The following OSBPL9 variants were observed in gnomAD, a reference collection of about 807,000 sequenced individuals.
OSBPL9 encodes oxysterol-binding protein-related protein 9.
A neutral mutation model predicts 106.6 loss-of-function variants in OSBPL9; 40 were observed. The ratio of observed to expected loss-of-function variants is 0.38; its 90% CI spans 0.29 to 0.49. The LOEUF is 0.49. Ranked by LOEUF, OSBPL9 falls within the 20% of genes least tolerant of loss-of-function variation. The pLI is 0.97. For synonymous variants in OSBPL9, 269 were observed against 295.4 expected (o/e 0.91, Z 0.92); for missense variants, 609 against 887.2 (o/e 0.69, Z 3.98).
the OSBPL9 span, among the ~76,000 whole-genome samples, chr1:51,535,631 C>T: frequency 6.6e-6 from 1 of 151,970 alleles, no homozygotes. Context: ...GATGTTGGCT[C>T]ATTTCAGCCT....
intron 2 of OSBPL9, among the ~76,000 whole-genome samples, chr1:51,652,640 A>G (rs576335421): frequency 5.3e-5 from 8 of 152,346 alleles, no homozygotes; most frequent in Non-Finnish European, 1.0e-4. Context: ...TTTCCATACT[A>G]ACTATTCAAA....
At chr1:51,641,573 G>A (rs2148675550) in intron 1 of OSBPL9, among the ~76,000 whole-genome samples, 1 of 152,022 alleles carries the variant, frequency 6.6e-6, no homozygotes, top group Middle Eastern at 3.4e-3. Context: ...TCTTACCCTG[G>A]GAAAATAAAA....
chr1:51,683,753 C>A (rs1472064024), intron 3 of OSBPL9, among the ~76,000 whole-genome samples: 2 of 151,774 alleles, frequency 1.3e-5, no homozygotes, highest in Admixed American at 1.3e-4. Flanking sequence ...AGATCGCGCC[C>A]CTGCTCTCCA....
At chr1:51,552,967 A>T in the OSBPL9 span, among the ~76,000 whole-genome samples, 5 of 144,476 alleles carry the variant, frequency 3.5e-5, no homozygotes, top group South Asian at 2.2e-4. Context: ...AAAGTTCTTT[A>T]AAAAAAAAAA....
the OSBPL9 span, among the ~76,000 whole-genome samples, chr1:51,528,541 C>A: frequency 6.6e-6 from 1 of 151,162 alleles, no homozygotes; most frequent in Non-Finnish European, 1.5e-5. Context: ...GAGACTCTGT[C>A]TCGGGGAAAA....
chr1:51,519,246 G>A, the OSBPL9 span: 3 of 1,307,306 alleles, frequency 2.3e-6, no homozygotes, highest in Non-Finnish European at 2.0e-6. Context: ...TTTCCATCAT[G>A]CAAGGGAGGG....
chr1:51,553,299 C>T, the OSBPL9 span, among the ~76,000 whole-genome samples: 1 of 152,060 alleles, frequency 6.6e-6, no homozygotes. Flanking sequence ...TTGCTTGAAC[C>T]CAGGAGTTAC....
intron 3 of OSBPL9, among the ~76,000 whole-genome samples, chr1:51,691,009 T>C (rs1379566651): frequency 6.6e-6 from 1 of 152,192 alleles, no homozygotes; most frequent in Non-Finnish European, 1.5e-5. Context: ...TATCTGTGTA[T>C]TTAAACATAG....
intron 2 of OSBPL9, among the ~76,000 whole-genome samples, chr1:51,608,316 GGA>G (rs1195545305): frequency 1.3e-5 from 2 of 151,818 alleles, no homozygotes; most frequent in African/African-American, 4.8e-5. Flanking sequence ...TTTTTGAGAC[GGA>G]GTCTCACTCT....
the OSBPL9 span, among the ~76,000 whole-genome samples, chr1:51,559,649 C>A: frequency 6.6e-6 from 1 of 152,138 alleles, no homozygotes; most frequent in Non-Finnish European, 1.5e-5. Context: ...TAAGGTTTGC[C>A]TGCTTACAGA....
At position 51,715,340 on chromosome 1, in the gene OSBPL9, A is replaced by G. The variant is rs1276463755; in HGVS notation, c.318+1261A>G. On this transcript the variant is annotated intron_variant, in intron 4 of 23. Coordinates refer to ENST00000428468, the MANE Select transcript of OSBPL9 (RefSeq NM_024586.6). ...TAAAAGCAATTTGTAATTCCTGTAG[A>G]TTTCTTTTAAATTTAGGCAGTTTCA... is the stretch of plus-strand genomic sequence containing the variant. Among the ~76,000 whole-genome samples, 8 of 152,178 alleles carry G rather than the reference A, an allele frequency of 5.3e-5. No homozygotes were observed. In the East Asian group the frequency reaches 1.5e-3, roughly 29 times the overall value.
intron 14 of OSBPL9, 47 bp downstream of exon 14, chr1:51,772,770 C>T: frequency 1.6e-6 from 2 of 1,282,184 alleles, no homozygotes; most frequent in East Asian, 2.3e-5. Context: ...TATGGATTCT[C>T]AGTGATTGCG....
At chr1:51,698,274 C>T (rs1656491535) in intron 3 of OSBPL9, among the ~76,000 whole-genome samples, 1 of 152,048 alleles carries the variant, frequency 6.6e-6, no homozygotes, top group African/African-American at 2.4e-5. Context: ...CTTTGTGGGA[C>T]ATTGGGGTGG....
chr1:51,750,577 T>C lies in OSBPL9; in HGVS notation c.543+382T>C, dbSNP rs1485292777. On this transcript the variant is annotated intron_variant, in intron 8 of 23. Coordinates refer to ENST00000428468, the MANE Select transcript of OSBPL9 (RefSeq NM_024586.6). ...GAAGAATATAATAGAGATATATTTT[T>C]TAAATTTTTACGGATTTTTTTCTGG... Among the ~76,000 whole-genome samples the C allele has an allele frequency of 1.7e-4, 26 of 152,224 alleles. 1 individual carries two copies. The highest frequency in any genetic ancestry group is 3.2e-3 in the Middle Eastern group (1 of 316).
intron 3 of OSBPL9, among the ~76,000 whole-genome samples, chr1:51,678,622 C>T (rs750161091): frequency 1.3e-5 from 2 of 150,474 alleles, no homozygotes; most frequent in African/African-American, 2.5e-5. Context: ...GATCATGCCA[C>T]TGCACTCCAG....
At chr1:51,589,614 A>T (rs1037984423) in intron 1 of OSBPL9, among the ~76,000 whole-genome samples, 1 of 152,108 alleles carries the variant, frequency 6.6e-6, no homozygotes, top group African/African-American at 2.4e-5. Context: ...CCATATGAAT[A>T]TCTAAGAGAA....
Position 51,729,630 on chromosome 1 carries a change from C to T in OSBPL9, c.318+15551C>T. The T allele has an allele frequency of 4.0e-6, 1 of 250,584 alleles. No individual in the cohort carries two copies. The highest frequency in any genetic ancestry group is 7.3e-6 in the Non-Finnish European group (1 of 137,718). 15.5% of individuals were successfully genotyped at this position (250,584 alleles called of 1,614,324 possible). A position where few individuals can be genotyped will look rare whatever the true frequency, so the allele number is the denominator to read the frequency against. ...CCCTCCCGCCGCTGCGCACCCCTCCCGCGAGCTGCCAGCTCCCTCGGCCTC... is the reference window on the plus strand; with the variant it reads ...CCCTCCCGCCGCTGCGCACCCCTCCTGCGAGCTGCCAGCTCCCTCGGCCTC... On this transcript the variant is annotated intron_variant, in intron 4 of 23. Coordinates refer to ENST00000428468, the MANE Select transcript of OSBPL9 (RefSeq NM_024586.6). The surrounding 1 kb of genome is among the most constrained non-coding windows in gnomAD (Gnocchi z 5.1).
At chr1:51,671,523 T>C (rs1649867307) in intron 3 of OSBPL9, among the ~76,000 whole-genome samples, 1 of 152,178 alleles carries the variant, frequency 6.6e-6, no homozygotes, top group Non-Finnish European at 1.5e-5. Flanking sequence ...TCAACATCTA[T>C]TTTAGACATT....
chr1:51,639,977 CCAT>C (rs1471853618), intron 1 of OSBPL9, among the ~76,000 whole-genome samples: 2 of 151,746 alleles, frequency 1.3e-5, no homozygotes, highest in African/African-American at 4.8e-5. Flanking sequence ...GCACACACCA[CCAT>C]GTCTGGCTAA....
Sources: gnomAD v4.1 joint callset for allele counts (sites outside exome capture counted in the v4.1 genomes callset) on GRCh38, gnomAD v4.1.1 for gene constraint, Gnocchi (gnomAD v3.1) non-coding constraint, MANE v1.5 for transcripts, NCBI Gene and HGNC (gene_info 2026-07-23, HGNC 2026-07-21) for gene names.